SURF2: variants seen among roughly 807,000 people sequenced by gnomAD.
The protein encoded by SURF2 is surfeit locus protein 2.
Under a neutral mutation model 26.2 loss-of-function variants are expected in SURF2, and 32 were observed. The ratio of observed to expected loss-of-function variants is 1.22; its 90% CI spans 0.92 to 1.64. The LOEUF (loss-of-function observed/expected upper bound fraction) is 1.64, where lower values mean the gene tolerates loss of function less well. Among genes scored for constraint, SURF2 ranks in the 40% most tolerant of loss-of-function variants. The pLI is 0.00. For missense variants in SURF2, 415 were observed against 341.6 expected, an observed-to-expected ratio of 1.21 and a Z score of -1.69; for synonymous variants, 173 against 139.1, an observed-to-expected ratio of 1.24 and a Z score of -1.71.
chr9:133,359,391 C>T (rs1218258462), intron 3 of SURF2, among the ~76,000 whole-genome samples: 1 of 152,166 alleles, frequency 6.6e-6, no homozygotes. Context: ...AGGGCAAGCC[C>T]CAGCAGACCC....
intron 5 of SURF2, 48 bp from the exon 6 acceptor site, chr9:133,361,007 TC>T: frequency 1.9e-6 from 3 of 1,604,442 alleles, no homozygotes; most frequent in Non-Finnish European, 2.6e-6. Flanking sequence ...GGGCCCCTTC[TC>T]CATGGGATCA....
intron 5 of SURF2, 78 bp downstream of exon 5, chr9:133,360,512 CTG>C (rs1836739773): frequency 1.4e-6 from 2 of 1,427,232 alleles, no homozygotes; most frequent in South Asian, 1.5e-5. Flanking sequence ...AAAAAGAAAA[CTG>C]AACCTTTTTC....
chr9:133,356,867 G>T (rs587631393), intron 1 of SURF2, 47 bp from the exon 2 acceptor site: 2 of 1,500,844 alleles, frequency 1.3e-6, no homozygotes, highest in African/African-American at 1.4e-5. Context: ...GCACCAGGGA[G>T]CGGAGCCCTG....
rs2130031724 is a variant in SURF2 at position 133,356,982 on chromosome 9, CA to C, written c.152del (p.Lys51SerfsTer48). On this transcript the variant is annotated frameshift_variant, in exon 2 of 6. Transcript: ENST00000371964. LOFTEE classifies it high-confidence loss of function. ...CGGAGCTCCAGGTCTACACCCGCGG[CA>C]AAAAGTACCAGCGGCTGGTCCGCGC... The part of the protein sequence containing the change: ...LPELQVYTRG[K>X]KYQRLVRASP... 6.4e-7 allele frequency: 1 copy of C among 1,571,844 alleles called. No individual in the cohort carries two copies. Among genetic ancestry groups the C allele is most frequent in the Non-Finnish European group, 8.6e-7 (1 of 1,159,208 alleles).
At chr9:133,358,878 A>C (rs1287914685) in intron 3 of SURF2, among the ~76,000 whole-genome samples, 1 of 152,150 alleles carries the variant, frequency 6.6e-6, no homozygotes, top group Non-Finnish European at 1.5e-5. Context: ...GGATGGGAAG[A>C]TGCGTCTACG....
At position 133,357,802 on chromosome 9, in the gene SURF2, G is replaced by A. The variant is rs2130036864; in HGVS notation, c.325G>A (p.Ala109Thr). ...RHTQGRRYQRALCKYEECQKQ... is the reference protein window; with the variant it reads ...RHTQGRRYQRTLCKYEECQKQ... ...CACCCAGGGCCGGCGGTACCAGCGA[G>A]CTCTGTGTAAATGTAAGTCCCAGTG... The change falls in exon 3 of 6, where the codon GCT becomes ACT. Residue 109 changes from alanine (A) to threonine (T), a missense_variant. By Grantham distance (58) the Ala-to-Thr change is moderately conservative. Coordinates refer to ENST00000371964, the MANE Select transcript of SURF2 (RefSeq NM_017503.5). 4.3e-6 allele frequency: 7 copies of A among 1,613,478 alleles called. No individual in the cohort carries two copies. The highest frequency in any genetic ancestry group is 5.9e-6 in the Non-Finnish European group (7 of 1,180,000).
Position 133,357,001 on chromosome 9 carries a change from G to A in SURF2, c.166G>A (p.Val56Ile), listed in dbSNP as rs1016416211. The A allele has an allele frequency of 6.4e-7, 1 of 1,570,608 alleles. No homozygotes were observed. Among genetic ancestry groups the A allele is most frequent in the African/African-American group, 1.3e-5 (1 of 74,096 alleles). Residue 56 changes from valine to isoleucine, a missense_variant, in exon 2 of 6, where the codon GTC becomes ATC. Transcript: ENST00000371964. The part of the protein sequence containing the change: ...YTRGKKYQRL[V>I]RASPAFDYAE... ...CCGCGGCAAAAAGTACCAGCGGCTG[G>A]TCCGCGCCTCCCCGGCCTTCGACTA...
intron 3 of SURF2, among the ~76,000 whole-genome samples, chr9:133,358,512 G>A (rs2130039919): frequency 3.9e-5 from 6 of 152,182 alleles, no homozygotes; most frequent in Middle Eastern, 3.2e-3. Context: ...AGGGACACCC[G>A]TGCTGGATGA....
chr9:133,359,603 C>T (rs1014596589), intron 3 of SURF2, among the ~76,000 whole-genome samples: 1 of 152,214 alleles, frequency 6.6e-6, no homozygotes, highest in South Asian at 2.1e-4. Flanking sequence ...ACTGCCAGCC[C>T]GAGTTGCCTT....
At chr9:133,356,767 GGGAGAGGGGAGAGCA>G in intron 1 of SURF2, 97 bp downstream of exon 1, 1 of 1,416,070 alleles carries the variant, frequency 7.1e-7, no homozygotes. Flanking sequence ...CAGGGGAGAG[GGGAGAGGGGAGAGCA>G]GGAGAGAGGG....
rs962456888 is a variant in SURF2, at chr9:133,357,042, G to T, written c.207G>T (p.Pro69=). The T allele has an allele frequency of 3.2e-6, 5 of 1,578,434 alleles. No individual in the cohort carries two copies. The highest frequency in any genetic ancestry group is 4.3e-6 in the Non-Finnish European group (5 of 1,163,832). ...CCTTCGACTATGCAGAGTTCGAGCCGCACATCGTGCCCAGCACCAAGAACC... is the reference window on the plus strand; with the variant it reads ...CCTTCGACTATGCAGAGTTCGAGCCTCACATCGTGCCCAGCACCAAGAACC... ...SPAFDYAEFE[P]HIVPSTKNPH... The change falls in exon 2 of 6, where the codon CCG becomes CCT. Residue 69 remains proline (P), a synonymous_variant. Transcript: ENST00000371964.
In SURF2 at chr9:133,356,587, T is replaced by A; in HGVS notation, c.-6T>A. On this transcript the variant is annotated 5_prime_UTR_variant, in exon 1 of 6. Coordinates refer to ENST00000371964, the MANE Select transcript of SURF2 (RefSeq NM_017503.5). ...TCCGCCGGGCTGCTCCGCGGGCGCG[T>A]CGGCCATGAGCGAGTTGCCGGGCGA... 1 of 1,518,348 alleles carries A rather than the reference T, an allele frequency of 6.6e-7. No individual in the cohort carries two copies. The highest frequency in any genetic ancestry group is 8.8e-7 in the Non-Finnish European group (1 of 1,140,462). 94.1% of individuals were successfully genotyped at this position (1,518,348 alleles called of 1,614,324 possible). A position where few individuals can be genotyped will look rare whatever the true frequency, so the allele number is the denominator to read the frequency against.
In SURF2 at chr9:133,357,785, G is replaced by A. The variant is rs2130036529; in HGVS notation, c.308G>A (p.Gly103Asp). The A allele has an allele frequency of 5.0e-6, 8 of 1,613,586 alleles. No individual in the cohort carries two copies. In the Admixed American group the frequency reaches 1.2e-4, roughly 24 times the overall value. Reference protein sequence around the residue: ...CPEHVLRHTQGRRYQRALCKY... With the variant: ...CPEHVLRHTQDRRYQRALCKY... ...GAACACGTGCTGAGGCACACCCAGG[G>A]CCGGCGGTACCAGCGAGCTCTGTGT... Residue 103 changes from glycine to aspartate, a missense_variant, in exon 3 of 6, where the codon GGC becomes GAC. By Grantham distance (94) the Gly-to-Asp change is moderately conservative (BLOSUM62 -1). Transcript: ENST00000371964.
At chr9:133,356,725 G>A (rs970654210) in intron 1 of SURF2, 55 bp downstream of exon 1, 2 of 1,476,048 alleles carry the variant, frequency 1.4e-6, no homozygotes, top group African/African-American at 1.4e-5. Context: ...TTGGGATGAG[G>A]GGCTGAGGGG....
At chr9:133,357,867 C>A in intron 3 of SURF2, 53 bp downstream of exon 3, 2 of 1,561,294 alleles carry the variant, frequency 1.3e-6, no homozygotes, top group Non-Finnish European at 1.8e-6. Flanking sequence ...GCATGCCCGC[C>A]TTGCCCCAGA....
chr9:133,359,996 G>C lies in SURF2; in HGVS notation c.384G>C (p.Leu128=). 4.3e-6 allele frequency: 7 copies of C among 1,613,996 alleles called. No homozygotes were observed. The highest frequency in any genetic ancestry group is 5.9e-6 in the Non-Finnish European group (7 of 1,179,914). The change falls in exon 4 of 6, where the codon CTG becomes CTC. Residue 128 remains leucine, a synonymous_variant. Coordinates refer to ENST00000371964, the MANE Select transcript of SURF2 (RefSeq NM_017503.5). The part of the protein sequence containing the change: ...KQGVEYVPAC[L]VHRRRRREDQ... The stretch of plus-strand genomic sequence containing the variant: ...GGGTGGAGTACGTGCCTGCCTGCCT[G>C]GTGCACCGGAGGAGGAGGAGGGAGG...
In SURF2 at chr9:133,356,664, C is replaced by T; in HGVS notation, c.72C>T (p.Ala24=). 2 of 1,518,368 alleles carry T rather than the reference C, an allele frequency of 1.3e-6. No individual in the cohort carries two copies. Among genetic ancestry groups the T allele is most frequent in the Non-Finnish European group, 1.8e-6 (2 of 1,139,836 alleles). 94.1% of individuals were successfully genotyped at this position (1,518,368 alleles called of 1,614,324 possible). The change falls in exon 1 of 6, where the codon GCC becomes GCT. Residue 24 remains alanine, a synonymous_variant. Transcript: ENST00000371964. ...CGAGCCTGCGGCTCCAGACGGACGC[C>T]CGCAAGGTTCGCAGCGCGGGAGGGG... ...EHPSLRLQTD[A]RKVRCILTGH...
chr9:133,356,989 T>A lies in SURF2; in HGVS notation c.154T>A (p.Tyr52Asn), dbSNP rs2130031757. 1 of 1,571,666 alleles carries A rather than the reference T, an allele frequency of 6.4e-7. No individual in the cohort carries two copies. Among genetic ancestry groups the A allele is most frequent in the Non-Finnish European group, 8.6e-7 (1 of 1,159,164 alleles). Residue 52 changes from tyrosine (Y) to asparagine (N), a missense_variant, in exon 2 of 6, where the codon TAC (tyrosine) becomes AAC (asparagine). Transcript: ENST00000371964. ...ELQVYTRGKKYQRLVRASPAF... is the reference protein window; with the variant it reads ...ELQVYTRGKKNQRLVRASPAF... ...CCAGGTCTACACCCGCGGCAAAAAG[T>A]ACCAGCGGCTGGTCCGCGCCTCCCC...
Position 133,359,136 on chromosome 9 carries a change from G to A in SURF2, c.338-814G>A, listed in dbSNP as rs189770823. Among the ~76,000 whole-genome samples, 82 of 152,318 alleles carry A rather than the reference G, an allele frequency of 5.4e-4. 1 individual carries two copies. In the South Asian group the frequency reaches 0.015, roughly 28 times the overall value. ...AGAATGGTTATGATGGTGGACTGTGGAGCTGAGATGGGACTGGGGCGCCGA... is the reference window on the plus strand; with the variant it reads ...AGAATGGTTATGATGGTGGACTGTGAAGCTGAGATGGGACTGGGGCGCCGA... On this transcript the variant is annotated intron_variant, in intron 3 of 5. Coordinates refer to ENST00000371964, the MANE Select transcript of SURF2 (RefSeq NM_017503.5).
Sources: allele counts gnomAD v4.1 joint callset (sites outside exome capture counted in the v4.1 genomes callset), GRCh38; gene constraint gnomAD v4.1.1; transcripts MANE v1.5; gene names NCBI Gene and HGNC (gene_info 2026-07-23, HGNC 2026-07-21).